TNR: variants seen among roughly 807,000 people sequenced by gnomAD.
TNR encodes tenascin-R.
A neutral mutation model predicts 150.4 loss-of-function variants in TNR; 45 were observed. The ratio of observed to expected loss-of-function variants is 0.30; its 90% confidence interval spans 0.24 to 0.38. The LOEUF (loss-of-function observed/expected upper bound fraction) is 0.38, where lower values mean the gene tolerates loss of function less well. Ranked by LOEUF, TNR falls within the 10% of genes least tolerant of loss-of-function variation. TNR has a pLI of 1.00. For missense variants in TNR, 1,544 were observed against 1,759.1 expected (o/e 0.88, Z 2.19); for synonymous variants, 687 against 678.4 (o/e 1.01, Z -0.20).
chr1:175,731,303 C>T (rs1181018528), intron 1 of TNR, among the ~76,000 whole-genome samples: 1 of 152,170 alleles, frequency 6.6e-6, no homozygotes, highest in East Asian at 1.9e-4. Flanking sequence ...GTCACTGTTG[C>T]CCTGTGCTAT....
intron 2 of TNR, among the ~76,000 whole-genome samples, chr1:175,518,626 C>T (rs1379706541): frequency 1.3e-5 from 2 of 152,202 alleles, no homozygotes; most frequent in Admixed American, 6.5e-5. Context: ...ACCTGTATCA[C>T]ACAGTCCCTC....
chr1:175,736,585 G>A (rs557041529), intron 1 of TNR, among the ~76,000 whole-genome samples: 43 of 151,966 alleles, frequency 2.8e-4, no homozygotes, highest in African/African-American at 1.0e-3. Context: ...AGGGAAAGAG[G>A]GGATGTGTAG....
At chr1:175,431,911 A>ATCTCTCTCTCTCTCTCTCTCCTTCTCTC (rs1553221255) in intron 2 of TNR, among the ~76,000 whole-genome samples, 80 of 136,466 alleles carry the variant, frequency 5.9e-4, no homozygotes, top group South Asian at 2.7e-3. Flanking sequence ...GGACCATAAT[A>ATCTCTCTCTCTCTCTCTCTCCTTCTCTC]TCTCTCTCTC....
chr1:175,367,118 T>A (rs750070652), intron 10 of TNR, 90 bp downstream of exon 10: 10 of 1,162,552 alleles, frequency 8.6e-6, no homozygotes, highest in Non-Finnish European at 1.3e-5. Flanking sequence ...AGACATTGCT[T>A]TCTGATTAAT....
chr1:175,740,130 C>G (rs1043551705), intron 1 of TNR, among the ~76,000 whole-genome samples: 1 of 152,206 alleles, frequency 6.6e-6, no homozygotes, highest in Admixed American at 6.5e-5. Context: ...TACCCAGTAA[C>G]AATAGCCTCA....
Position 175,727,975 on chromosome 1 carries a change from C to G in TNR, c.-165+15251G>C, listed in dbSNP as rs553765971. On this transcript the variant is annotated intron_variant, in intron 1 of 22. Coordinates refer to ENST00000367674, the MANE Select transcript of TNR (RefSeq NM_003285.3). ...AGTTTGCCAGACTATTTCTAGTATT[C>G]ATTTGGGAATTACGGTCATTATTGT... Among the ~76,000 whole-genome samples the G allele has an allele frequency of 2.2e-3, 329 of 152,292 alleles. 2 individuals are homozygous for G. The highest frequency in any genetic ancestry group is 7.1e-3 in the African/African-American group (295 of 41,566).
At chr1:175,454,214 A>C (rs541692933) in intron 2 of TNR, among the ~76,000 whole-genome samples, 1 of 152,290 alleles carries the variant, frequency 6.6e-6, no homozygotes, top group East Asian at 1.9e-4. Flanking sequence ...GCTTCTTGCC[A>C]CAGTGTGTGA....
intron 1 of TNR, among the ~76,000 whole-genome samples, chr1:175,630,231 C>A (rs1334312222): frequency 6.6e-6 from 1 of 152,140 alleles, no homozygotes; most frequent in Non-Finnish European, 1.5e-5. Context: ...GTAGCAAGGT[C>A]CCATTCTGCT....
chr1:175,334,080 G>A (rs1196472965), intron 20 of TNR, among the ~76,000 whole-genome samples: 1 of 152,204 alleles, frequency 6.6e-6, no homozygotes. Flanking sequence ...TGGTGGTAAT[G>A]TGGAGTCATT....
At chr1:175,370,338 C>CTTTTTTGTTTTTTTTTTTTTTTTTTTTT (rs1652040374) in intron 9 of TNR, among the ~76,000 whole-genome samples, 1 of 42,926 alleles carries the variant, frequency 2.3e-5, no homozygotes, top group African/African-American at 8.5e-5. Flanking sequence ...ATTTTGAGTA[C>CTTTTTTGTTTTTTTTTTTTTTTTTTTTT]TTTTTTTTTT....
intron 1 of TNR, among the ~76,000 whole-genome samples, chr1:175,672,377 G>A (rs1428341764): frequency 6.6e-6 from 1 of 152,188 alleles, no homozygotes; most frequent in Non-Finnish European, 1.5e-5. Flanking sequence ...CATGAGCTGG[G>A]ACAACTCAGG....
At chr1:175,373,141 G>A (rs546682106) in intron 9 of TNR, among the ~76,000 whole-genome samples, 2 of 152,292 alleles carry the variant, frequency 1.3e-5, no homozygotes, top group Admixed American at 1.3e-4. Context: ...TCCGAAGAGA[G>A]GATATCTGGA....
intron 2 of TNR, among the ~76,000 whole-genome samples, chr1:175,410,193 G>C (rs1654144737): frequency 6.6e-6 from 1 of 152,204 alleles, no homozygotes; most frequent in Non-Finnish European, 1.5e-5. Flanking sequence ...TTGAGACATA[G>C]TGTGGCTGGG....
At chr1:175,674,084 G>A (rs1665783124) in intron 1 of TNR, among the ~76,000 whole-genome samples, 1 of 152,188 alleles carries the variant, frequency 6.6e-6, no homozygotes, top group Non-Finnish European at 1.5e-5. Context: ...GGATATGGTG[G>A]TGCAGGGAAC....
At chr1:175,505,922 C>T (rs945364428) in intron 2 of TNR, among the ~76,000 whole-genome samples, 9 of 152,106 alleles carry the variant, frequency 5.9e-5, no homozygotes, top group African/African-American at 2.2e-4. Flanking sequence ...TGCCTATAAT[C>T]CCAGCTACTC....
intron 4 of TNR, among the ~76,000 whole-genome samples, chr1:175,401,642 T>C (rs1045706742): frequency 3.3e-5 from 5 of 152,214 alleles, no homozygotes; most frequent in African/African-American, 1.2e-4. Flanking sequence ...CTTTTCATTA[T>C]TACCATTGAT....
intron 2 of TNR, among the ~76,000 whole-genome samples, chr1:175,515,852 C>G (rs980351103): frequency 6.6e-6 from 1 of 152,146 alleles, no homozygotes; most frequent in African/African-American, 2.4e-5. Context: ...TAGGACTAAA[C>G]TAAAGTGTAT....
intron 1 of TNR, among the ~76,000 whole-genome samples, chr1:175,642,936 C>A (rs947092387): frequency 1.3e-5 from 2 of 151,942 alleles, no homozygotes; most frequent in African/African-American, 4.8e-5. Flanking sequence ...ATCTCTAAAA[C>A]CATATATAAG....
chr1:175,456,376 T>C (rs946691451), intron 2 of TNR, among the ~76,000 whole-genome samples: 4 of 152,270 alleles, frequency 2.6e-5, no homozygotes, highest in South Asian at 2.1e-4. Flanking sequence ...TAATATACTA[T>C]GTAATTTACT....
Sources: gnomAD v4.1 joint callset for allele counts (sites outside exome capture counted in the v4.1 genomes callset) on GRCh38, gnomAD v4.1.1 for gene constraint, MANE v1.5 for transcripts, NCBI Gene and HGNC (gene_info 2026-07-23, HGNC 2026-07-21) for gene names.